Variants in THSD7B observed in about 807,000 individuals in gnomAD.
THSD7B encodes the protein thrombospondin type-1 domain-containing protein 7B.
THSD7B carries 138 observed loss-of-function variants against 213.6 expected under a neutral mutation model. The ratio of observed to expected loss-of-function variants is 0.65; its 90% CI spans 0.56 to 0.74. The LOEUF (loss-of-function observed/expected upper bound fraction) is 0.74. THSD7B is among the 30% of genes least tolerant of loss of function. THSD7B has a pLI of 0.00. For missense variants in THSD7B, 1,931 were observed against 1,991.5 expected (o/e 0.97, Z 0.58); for synonymous variants, 742 against 687.0 (o/e 1.08, Z -1.25).
intron 17 of THSD7B, among the ~76,000 whole-genome samples, chr2:137,597,704 T>C (rs1033147508): frequency 1.3e-5 from 2 of 152,086 alleles, no homozygotes; most frequent in Non-Finnish European, 2.9e-5. Flanking sequence ...TATAATTCCA[T>C]TTTGTAAAAC....
At chr2:137,087,100 G>A (rs1687855432) in intron 3 of THSD7B, among the ~76,000 whole-genome samples, 1 of 151,534 alleles carries the variant, frequency 6.6e-6, no homozygotes, top group Non-Finnish European at 1.5e-5. Flanking sequence ...GGTCAACATG[G>A]GTAGATCTAG....
intron 2 of THSD7B, among the ~76,000 whole-genome samples, chr2:137,015,975 G>A (rs1389286429): frequency 6.6e-6 from 1 of 152,142 alleles, no homozygotes; most frequent in Non-Finnish European, 1.5e-5. Context: ...TTCTAGGACA[G>A]CAGTGAATGG....
chr2:136,854,277 T>C (rs1026799314), intron 1 of THSD7B, among the ~76,000 whole-genome samples: 51 of 288 alleles, frequency 0.18, no homozygotes, highest in Non-Finnish European at 0.15. Context: ...TATATGCATG[T>C]ATTTTTGTTC....
intron 2 of THSD7B, among the ~76,000 whole-genome samples, chr2:136,971,749 G>A (rs1685408686): frequency 6.6e-6 from 1 of 150,854 alleles, no homozygotes; most frequent in Non-Finnish European, 1.5e-5. Context: ...AGGAACTGAG[G>A]GCTATTAAAG....
At chr2:137,429,219 G>C (rs188433591) in intron 14 of THSD7B, among the ~76,000 whole-genome samples, 17 of 152,262 alleles carry the variant, frequency 1.1e-4, no homozygotes, top group African/African-American at 4.1e-4. Flanking sequence ...GGTGATTAAA[G>C]TATTGTCAAA....
intron 21 of THSD7B, among the ~76,000 whole-genome samples, chr2:137,652,948 A>T (rs1490668275): frequency 6.6e-6 from 1 of 152,120 alleles, no homozygotes; most frequent in Non-Finnish European, 1.5e-5. Flanking sequence ...ATAGATGCTT[A>T]TTTGGGGCTT....
rs761938019 is a variant in THSD7B, at chr2:137,056,860, GGATGT to G, written c.582_586del (p.Cys195GlufsTer6). 1 of 1,613,944 alleles carries G rather than the reference GGATGT, an allele frequency of 6.2e-7. No homozygotes were observed. ...CTTACCATGGTCCAACTGTAGCAAG[GGATGT>G]GGGAAGAAATTGCAGCATAGAACTC... On this transcript the variant is annotated frameshift_variant, in exon 3 of 28. Transcript: ENST00000409968. LOFTEE classifies it high-confidence loss of function.
rs79642395 is a variant in THSD7B, at chr2:137,529,539, G to A, written c.3139-33682G>A. ...CAAACATTAGAGTTAGGCAAATATC[G>A]TGTAGAATGTTCATGGAATCTGGAT... On this transcript the variant is annotated intron_variant, in intron 15 of 27. Transcript: ENST00000409968. Among the ~76,000 whole-genome samples the A allele has an allele frequency of 3.5e-3, 534 of 151,668 alleles. 3 individuals are homozygous for A. Among genetic ancestry groups the A allele is most frequent in the East Asian group, 4.5e-3 (23 of 5,124 alleles).
chr2:137,250,840 C>T (rs1346794974), intron 10 of THSD7B, among the ~76,000 whole-genome samples: 3 of 152,166 alleles, frequency 2.0e-5, no homozygotes, highest in Non-Finnish European at 4.4e-5. Context: ...TGTCTCCCTT[C>T]ATCTCTACTG....
chr2:136,994,382 C>T (rs1013880641), intron 2 of THSD7B, among the ~76,000 whole-genome samples: 9 of 152,116 alleles, frequency 5.9e-5, no homozygotes, highest in African/African-American at 1.4e-4. Flanking sequence ...CTGGCTAACA[C>T]GGTGAAACCC....
intron 2 of THSD7B, among the ~76,000 whole-genome samples, chr2:136,928,884 T>C (rs931850314): frequency 1.2e-4 from 19 of 152,152 alleles, no homozygotes; most frequent in Non-Finnish European, 2.8e-4. Flanking sequence ...TTCCCTTTTT[T>C]CCCTTTATTT....
At chr2:137,569,771 T>C (rs1429083680) in intron 16 of THSD7B, among the ~76,000 whole-genome samples, 4 of 151,866 alleles carry the variant, frequency 2.6e-5, no homozygotes, top group African/African-American at 9.7e-5. Context: ...TCTGTCCTTG[T>C]GGAGTAATGC....
At chr2:136,771,525 C>T (rs559324459) in intron 1 of THSD7B, among the ~76,000 whole-genome samples, 5 of 152,280 alleles carry the variant, frequency 3.3e-5, no homozygotes, top group South Asian at 2.1e-4. Flanking sequence ...ACCCACAAGA[C>T]TCACACTTAT....
At chr2:137,083,620 G>T (rs1342434617) in intron 3 of THSD7B, among the ~76,000 whole-genome samples, 1 of 152,110 alleles carries the variant, frequency 6.6e-6, no homozygotes, top group Non-Finnish European at 1.5e-5. Flanking sequence ...ATCATTAAAA[G>T]TAATAGCATA....
At chr2:136,919,913 A>G (rs1238326793) in intron 2 of THSD7B, among the ~76,000 whole-genome samples, 2 of 152,242 alleles carry the variant, frequency 1.3e-5, no homozygotes, top group African/African-American at 4.8e-5. Flanking sequence ...TGGACCGCAC[A>G]TATCATAAGC....
chr2:137,079,358 T>G (rs1687696126), intron 3 of THSD7B, among the ~76,000 whole-genome samples: 1 of 152,194 alleles, frequency 6.6e-6, no homozygotes. Context: ...TTCTTTCTAT[T>G]TTTCCAGCAT....
chr2:137,069,449 C>G (rs1392544646), intron 3 of THSD7B, among the ~76,000 whole-genome samples: 2 of 151,916 alleles, frequency 1.3e-5, no homozygotes, highest in Non-Finnish European at 2.9e-5. Context: ...GAATGAAAAT[C>G]AGATCAATGG....
At chr2:137,589,290 C>T (rs897753668) in intron 17 of THSD7B, among the ~76,000 whole-genome samples, 1 of 151,964 alleles carries the variant, frequency 6.6e-6, no homozygotes, top group Non-Finnish European at 1.5e-5. Flanking sequence ...AAAAATTTTA[C>T]CTAATTCTAT....
chr2:137,501,311 G>T (rs2105136605), intron 15 of THSD7B, among the ~76,000 whole-genome samples: 1 of 152,076 alleles, frequency 6.6e-6, no homozygotes, highest in South Asian at 2.1e-4. Context: ...ATAGAATATG[G>T]TATATTTCTT....
Sources: allele counts gnomAD v4.1 joint callset (sites outside exome capture counted in the v4.1 genomes callset), GRCh38; gene constraint gnomAD v4.1.1; transcripts MANE v1.5; gene names NCBI Gene and HGNC (gene_info 2026-07-23, HGNC 2026-07-21).